The following COG7 variants were observed in gnomAD, a reference collection of about 807,000 sequenced individuals.
COG7 encodes the protein conserved oligomeric Golgi complex subunit 7.
COG7 carries 49 observed loss-of-function variants against 91.5 expected under a neutral mutation model. The ratio of observed to expected loss-of-function variants is 0.54; its 90% confidence interval spans 0.43 to 0.68. The LOEUF is 0.68. Ranked by LOEUF, COG7 falls within the 30% of genes least tolerant of loss-of-function variation. The pLI is 0.00. For missense variants in COG7, 895 were observed against 961.3 expected (o/e 0.93, Z 0.91); for synonymous variants, 365 against 388.7 (o/e 0.94, Z 0.72).
In COG7 at chr16:23,406,167, G is replaced by A. The variant is rs770182734; in HGVS notation, c.1571C>T (p.Ser524Phe). 3.1e-6 allele frequency: 5 copies of A among 1,614,046 alleles called. No individual in the cohort carries two copies. Among genetic ancestry groups the A allele is most frequent in the Non-Finnish European group, 2.5e-6 (3 of 1,179,908 alleles). The change falls in exon 12 of 17, where the codon TCT (serine) becomes TTT (phenylalanine). Residue 524 changes from serine to phenylalanine, a missense_variant. By Grantham distance (155) the Ser-to-Phe change is radical. Coordinates refer to ENST00000307149, the MANE Select transcript of COG7 (RefSeq NM_153603.4). ...QESILTDKKNSAKNPWQEYNY... is the reference protein window; with the variant it reads ...QESILTDKKNFAKNPWQEYNY... ...ATATTCTTGCCATGGGTTCTTGGCA[G>A]AGTTCTTCTTGTCTGTCAAGATGCT...
At chr16:23,392,703 G>A (rs1306497351) in intron 15 of COG7, among the ~76,000 whole-genome samples, 180 bp from the exon 16 acceptor site, 2 of 152,136 alleles carry the variant, frequency 1.3e-5, no homozygotes, top group Non-Finnish European at 2.9e-5. Flanking sequence ...GATGAGGCAG[G>A]CGGATCATTT....
chr16:23,453,147 T>G lies in COG7; in HGVS notation c.-153A>C. ...GGACGGGTAACTTGCCCCTTTGCGC[T>G]TCCCCGCTCAGCGCACTCAGTTTGC... On this transcript the variant is annotated 5_prime_UTR_variant, in exon 1 of 17. Coordinates refer to ENST00000307149, the MANE Select transcript of COG7 (RefSeq NM_153603.4). 17 of 1,414,180 alleles carry G rather than the reference T, an allele frequency of 1.2e-5. No homozygotes were observed. The highest frequency in any genetic ancestry group is 1.4e-5 in the African/African-American group (1 of 69,438). The allele number at this position is 1,414,180 out of a possible 1,614,324, so 87.6% of individuals were successfully genotyped here.
chr16:23,393,176 C>T (rs995940491), intron 15 of COG7, 57 bp downstream of exon 15: 16 of 1,309,142 alleles, frequency 1.2e-5, no homozygotes, highest in Non-Finnish European at 1.8e-5. Context: ...TCTGGAGTTT[C>T]TACCCTGGAA....
Position 23,416,722 on chromosome 16 carries a change from C to T in COG7, c.1292+245G>A, listed in dbSNP as rs1236114717. ...TTCTTAACATACTTTAACTGCTGCA[C>T]AAGTTTCCCTCATATGAATATGTCA... On this transcript the variant is annotated intron_variant, in intron 9 of 16. Transcript: ENST00000307149. 9.0e-6 allele frequency: 5 copies of T among 558,340 alleles called. No homozygotes were observed. In the East Asian group the frequency reaches 1.5e-4, roughly 17 times the overall value. 34.6% of individuals were successfully genotyped at this position (558,340 alleles called of 1,614,324 possible). A position where few individuals can be genotyped will look rare whatever the true frequency, so the allele number is the denominator to read the frequency against.
At chr16:23,429,353 AT>A (rs202128898) in intron 6 of COG7, among the ~76,000 whole-genome samples, 2,731 of 151,372 alleles carry the variant, frequency 0.018, 41 homozygotes, top group Non-Finnish European at 0.029. Context: ...ACTCCTAGGT[AT>A]TTACCCAAGA....
chr16:23,451,725 CAA>C (rs34572078), intron 1 of COG7, among the ~76,000 whole-genome samples: 11,229 of 78,154 alleles, frequency 0.14, 758 homozygotes, highest in African/African-American at 0.29. Flanking sequence ...GACCCTGTCT[CAA>C]AAAAAAAAAA....
chr16:23,411,506 TTTTTAAA>T (rs1963560962), intron 10 of COG7, among the ~76,000 whole-genome samples: 1 of 152,250 alleles, frequency 6.6e-6, no homozygotes, highest in South Asian at 2.1e-4. Context: ...CATTACATTT[TTTTTAAA>T]TTTTATTTTA....
chr16:23,410,404 C>A (rs779735703), intron 10 of COG7, 44 bp from the exon 11 acceptor site: 3 of 1,481,422 alleles, frequency 2.0e-6, no homozygotes, highest in Non-Finnish European at 2.8e-6. Context: ...ATCTGGAATG[C>A]CAGCCTTTAC....
chr16:23,442,145 C>T (rs1474603998), intron 4 of COG7, among the ~76,000 whole-genome samples: 1 of 151,942 alleles, frequency 6.6e-6, no homozygotes, highest in African/African-American at 2.4e-5. Context: ...ACCAGCCCGG[C>T]CAACATGGTG....
At chr16:23,407,091 T>C (rs1337421703) in intron 11 of COG7, among the ~76,000 whole-genome samples, 1 of 152,244 alleles carries the variant, frequency 6.6e-6, no homozygotes, top group Non-Finnish European at 1.5e-5. Context: ...AAACATTGCT[T>C]TGGACATAGC....
chr16:23,432,018 A>T (rs1963943289), intron 6 of COG7, among the ~76,000 whole-genome samples: 1 of 151,900 alleles, frequency 6.6e-6, no homozygotes, highest in Admixed American at 6.6e-5. Context: ...ATGGTGGCAC[A>T]TACGTGTATT....
chr16:23,392,791 C>T (rs1284012642), intron 15 of COG7, among the ~76,000 whole-genome samples: 5 of 151,938 alleles, frequency 3.3e-5, no homozygotes, highest in South Asian at 2.1e-4. Context: ...ATTAGCCAGG[C>T]GTGGTGGTGC....
At chr16:23,449,640 C>A (rs1174370661) in intron 1 of COG7, among the ~76,000 whole-genome samples, 1 of 150,232 alleles carries the variant, frequency 6.7e-6, no homozygotes. Flanking sequence ...ACTCGGGAGG[C>A]TGAGGCAGGA....
intron 6 of COG7, among the ~76,000 whole-genome samples, chr16:23,431,211 A>G (rs1298584665): frequency 6.6e-6 from 1 of 152,140 alleles, no homozygotes; most frequent in African/African-American, 2.4e-5. Flanking sequence ...AATTTCTCAT[A>G]TGAAAATGCT....
Position 23,413,261 on chromosome 16 carries a change from T to C in COG7, c.1409+187A>G, listed in dbSNP as rs572542325. 1,532 of 577,570 alleles carry C rather than the reference T, an allele frequency of 2.7e-3. 4 individuals are homozygous for C. The highest frequency in any genetic ancestry group is 3.8e-3 in the Non-Finnish European group (1,209 of 318,700). 35.8% of individuals were successfully genotyped at this position (577,570 alleles called of 1,614,324 possible). A position where few individuals can be genotyped will look rare whatever the true frequency, so the allele number is the denominator to read the frequency against. On this transcript the variant is annotated intron_variant, in intron 10 of 16. Transcript: ENST00000307149. Reference sequence around the variant, plus strand: ...TATCTTAAGAGCTGGAGGGGTCTTTTTGTTGGTTGGTTTGGGTTGGGTTTT... The same window carrying C: ...TATCTTAAGAGCTGGAGGGGTCTTTCTGTTGGTTGGTTTGGGTTGGGTTTT...
intron 7 of COG7, among the ~76,000 whole-genome samples, chr16:23,421,978 C>T (rs922698359): frequency 2.6e-4 from 40 of 150,982 alleles, no homozygotes; most frequent in African/African-American, 9.7e-4. Context: ...ATGTATAAAA[C>T]AGTTCATTAT....
chr16:23,452,653 C>A, intron 1 of COG7, 173 bp downstream of exon 1: 1 of 1,414,332 alleles, frequency 7.1e-7, no homozygotes. Flanking sequence ...GACAGCCCGG[C>A]ACCCAGCTGA....
At chr16:23,437,861 T>G (rs979137585) in intron 4 of COG7, among the ~76,000 whole-genome samples, 22 of 150,028 alleles carry the variant, frequency 1.5e-4, no homozygotes, top group African/African-American at 4.9e-4. Context: ...CTGAGGCGGG[T>G]GGATCACGAG....
rs879555765 is a variant in COG7, at chr16:23,444,142, GA to G, written c.435+905del. 5.7e-3 allele frequency among the ~76,000 whole-genome samples: 661 copies of G among 116,860 alleles called. 7 individuals are homozygous for G. Among genetic ancestry groups the G allele is most frequent in the African/African-American group, 0.017 (525 of 31,588 alleles). The allele number at this position is 116,860 out of a possible 152,430, so 76.7% of individuals were successfully genotyped here. On this transcript the variant is annotated intron_variant, in intron 3 of 16. Coordinates refer to ENST00000307149, the MANE Select transcript of COG7 (RefSeq NM_153603.4). ...TTCAGAATGAGACTCCGTTTCAAAA[GA>G]AAAAAAAAAAAAGAAAAATTAGAGG... is the stretch of plus-strand genomic sequence containing the variant.
Sources: gnomAD v4.1 joint callset for allele counts (sites outside exome capture counted in the v4.1 genomes callset) on GRCh38, gnomAD v4.1.1 for gene constraint, MANE v1.5 for transcripts, NCBI Gene and HGNC (gene_info 2026-07-23, HGNC 2026-07-21) for gene names.